SLCO3A1: variants seen among roughly 807,000 people sequenced by gnomAD.
SLCO3A1 encodes the protein PGE1 transporter.
A neutral mutation model predicts 63.1 loss-of-function variants in SLCO3A1; 27 were observed. That is an observed-to-expected ratio of 0.43 (90% CI 0.32 to 0.59). The LOEUF (loss-of-function observed/expected upper bound fraction) is 0.59. Ranked by LOEUF, SLCO3A1 falls within the 20% of genes least tolerant of loss-of-function variation. The probability of loss-of-function intolerance (pLI) is 0.09; values close to 1 mark genes in which losing one functional copy is unlikely to be tolerated. For missense variants in SLCO3A1, 773 were observed against 945.8 expected, an observed-to-expected ratio of 0.82 and a Z score of 2.40; for synonymous variants, 473 against 409.9, an observed-to-expected ratio of 1.15 and a Z score of -1.86.
At position 92,164,889 on chromosome 15, in the gene SLCO3A1, C is replaced by T. The variant is rs1373069660; in HGVS notation, c.*1754C>T. 1.0e-6 allele frequency: 1 copy of T among 985,188 alleles called. No homozygotes were observed. Among genetic ancestry groups the T allele is most frequent in the African/African-American group, 1.7e-5 (1 of 57,186 alleles). 61.0% of individuals were successfully genotyped at this position (985,188 alleles called of 1,614,324 possible). On this transcript the variant is annotated 3_prime_UTR_variant, in exon 10 of 10. Coordinates refer to ENST00000318445, the MANE Select transcript of SLCO3A1 (RefSeq NM_013272.4). ...CACTCATACACACACAACAAAGGGC[C>T]CTGCTAACTTACTCCTCATGCTGCT...
At chr15:92,053,311 A>G (rs1306347632) in intron 2 of SLCO3A1, among the ~76,000 whole-genome samples, 1 of 152,144 alleles carries the variant, frequency 6.6e-6, no homozygotes, top group African/African-American at 2.4e-5. Context: ...ATTTGACAAT[A>G]GATTTACAGA....
chr15:92,136,935 A>G (rs562381511), intron 7 of SLCO3A1, among the ~76,000 whole-genome samples: 1 of 148,514 alleles, frequency 6.7e-6, no homozygotes, highest in Non-Finnish European at 1.5e-5. Context: ...TTATGGCTAT[A>G]TAGTATTCCA....
intron 4 of SLCO3A1, among the ~76,000 whole-genome samples, chr15:92,110,021 A>C (rs1312436855): frequency 2.0e-5 from 3 of 152,036 alleles, no homozygotes; most frequent in African/African-American, 7.2e-5. Flanking sequence ...AAAGAGGAGA[A>C]AGGGAATCAG....
intron 2 of SLCO3A1, among the ~76,000 whole-genome samples, chr15:92,040,385 T>G (rs1293334686): frequency 6.6e-6 from 1 of 152,118 alleles, no homozygotes; most frequent in Non-Finnish European, 1.5e-5. Context: ...CCATTCAGAT[T>G]TTGGTTTTCA....
chr15:91,884,348 A>T, intron 1 of SLCO3A1, among the ~76,000 whole-genome samples: 1 of 151,936 alleles, frequency 6.6e-6, no homozygotes, highest in East Asian at 1.9e-4. Context: ...GTCTCTACTT[A>T]AAAAAATACA....
chr15:92,113,359 T>C (rs1424238343), intron 4 of SLCO3A1, among the ~76,000 whole-genome samples: 1 of 152,118 alleles, frequency 6.6e-6, no homozygotes, highest in Non-Finnish European at 1.5e-5. Flanking sequence ...TATGAAGCGT[T>C]GGTGACCTTA....
At chr15:92,040,218 A>T (rs1021227121) in intron 2 of SLCO3A1, among the ~76,000 whole-genome samples, 2 of 152,200 alleles carry the variant, frequency 1.3e-5, no homozygotes, top group Non-Finnish European at 1.5e-5. Context: ...GTAAAAAATT[A>T]AAAAAATAAA....
At chr15:91,870,348 A>T (rs1897256469) in intron 1 of SLCO3A1, among the ~76,000 whole-genome samples, 1 of 152,246 alleles carries the variant, frequency 6.6e-6, no homozygotes, top group South Asian at 2.1e-4. Flanking sequence ...GAAAGAAGTA[A>T]CTATCTTTTG....
At chr15:92,023,781 T>A (rs2151473749) in intron 2 of SLCO3A1, among the ~76,000 whole-genome samples, 1 of 152,318 alleles carries the variant, frequency 6.6e-6, no homozygotes, top group South Asian at 2.1e-4. Flanking sequence ...GACTGATTTT[T>A]CATAAACAAA....
chr15:92,053,217 G>A (rs1253526329), intron 2 of SLCO3A1, among the ~76,000 whole-genome samples: 2 of 152,176 alleles, frequency 1.3e-5, no homozygotes, highest in Non-Finnish European at 1.5e-5. Context: ...TTGATGGGGA[G>A]ATAGACATCA....
At chr15:92,037,892 G>A (rs552535617) in intron 2 of SLCO3A1, among the ~76,000 whole-genome samples, 1 of 152,292 alleles carries the variant, frequency 6.6e-6, no homozygotes, top group South Asian at 2.1e-4. Context: ...CATCACCTGG[G>A]TCTGTGGTTT....
chr15:91,966,040 G>A (rs1043191419), intron 2 of SLCO3A1, among the ~76,000 whole-genome samples: 2 of 152,134 alleles, frequency 1.3e-5, no homozygotes, highest in African/African-American at 4.8e-5. Flanking sequence ...CATTCCGTGA[G>A]TCATCCAGAA....
chr15:92,100,695 A>C lies in SLCO3A1; in HGVS notation c.746-3584A>C, dbSNP rs115309099. On this transcript the variant is annotated intron_variant, in intron 3 of 9. Coordinates refer to ENST00000318445, the MANE Select transcript of SLCO3A1 (RefSeq NM_013272.4). ...GCCTGCCTGAGACTGCTGTTCTTATAGAACGTGGATTTCTATTTCCTAAAC... is the reference window on the plus strand; with the variant it reads ...GCCTGCCTGAGACTGCTGTTCTTATCGAACGTGGATTTCTATTTCCTAAAC... Among the ~76,000 whole-genome samples, 702 of 152,348 alleles carry C rather than the reference A, an allele frequency of 4.6e-3. 6 individuals carry two copies. Among genetic ancestry groups the C allele is most frequent in the African/African-American group, 0.016 (675 of 41,578 alleles).
At chr15:91,959,483 A>T (rs1900356065) in intron 2 of SLCO3A1, among the ~76,000 whole-genome samples, 1 of 152,142 alleles carries the variant, frequency 6.6e-6, no homozygotes. Context: ...TAATCCCAGC[A>T]CTTTGGGAAG....
Position 91,900,340 on chromosome 15 carries a change from T to A in SLCO3A1, c.181-15653T>A, listed in dbSNP as rs1898120679. ...TATTGTCTGTTCGTTTGTTTGTTTT[T>A]GTTTTTTGAGATGGAGTCTTGCTCT... On this transcript the variant is annotated intron_variant, in intron 1 of 9. Coordinates refer to ENST00000318445, the MANE Select transcript of SLCO3A1 (RefSeq NM_013272.4). This position sits in a 1 kb window ranked among gnomAD's most constrained non-coding sequence, Gnocchi z 4.3. Among the ~76,000 whole-genome samples the A allele has an allele frequency of 6.6e-6, 1 of 152,240 alleles. No individual in the cohort carries two copies. Among genetic ancestry groups the A allele is most frequent in the Admixed American group, 6.5e-5 (1 of 15,290 alleles).
At chr15:91,944,544 G>C (rs1366555688) in intron 2 of SLCO3A1, among the ~76,000 whole-genome samples, 1 of 152,078 alleles carries the variant, frequency 6.6e-6, no homozygotes, top group Non-Finnish European at 1.5e-5. Context: ...AGTCCTGCCA[G>C]CTCCCTTTGG....
intron 7 of SLCO3A1, among the ~76,000 whole-genome samples, chr15:92,129,112 C>T (rs1415669007): frequency 1.3e-5 from 2 of 152,196 alleles, no homozygotes; most frequent in African/African-American, 4.8e-5. Flanking sequence ...CTGATCCCAC[C>T]TTCCAGGAGT....
chr15:92,164,548 G>A lies in SLCO3A1; in HGVS notation c.*1413G>A. 2.0e-6 allele frequency: 2 copies of A among 985,394 alleles called. No individual in the cohort carries two copies. Among genetic ancestry groups the A allele is most frequent in the Non-Finnish European group, 2.4e-6 (2 of 829,932 alleles). The allele number at this position is 985,394 out of a possible 1,614,324, so 61.0% of individuals were successfully genotyped here. ...TAGATGTGGGTTTGTGTGTATGGGTGCAACACTTCCGGGGATAGGAAAGAA... is the reference window on the plus strand; with the variant it reads ...TAGATGTGGGTTTGTGTGTATGGGTACAACACTTCCGGGGATAGGAAAGAA... On this transcript the variant is annotated 3_prime_UTR_variant, in exon 10 of 10. Transcript: ENST00000318445.
intron 1 of SLCO3A1, among the ~76,000 whole-genome samples, chr15:91,905,142 A>G (rs1365053019): frequency 6.6e-6 from 1 of 152,242 alleles, no homozygotes; most frequent in Non-Finnish European, 1.5e-5. Context: ...AGGGAAATAC[A>G]GCTATAATCA....
Sources: allele counts gnomAD v4.1 joint callset (sites outside exome capture counted in the v4.1 genomes callset), GRCh38; gene constraint gnomAD v4.1.1; non-coding constraint Gnocchi (gnomAD v3.1); transcripts MANE v1.5; gene names NCBI Gene and HGNC (gene_info 2026-07-23, HGNC 2026-07-21).